The following ROBO1 variants were observed in gnomAD, a reference collection of about 807,000 sequenced individuals.
ROBO1 encodes roundabout homolog 1.
ROBO1 carries 149 observed loss-of-function variants against 195.9 expected under a neutral mutation model. The ratio of observed to expected loss-of-function variants is 0.76; its 90% CI spans 0.67 to 0.87. ROBO1 has a LOEUF of 0.87. ROBO1 is among the 40% of genes least tolerant of loss of function. ROBO1 has a pLI of 0.00. For synonymous variants in ROBO1, 816 were observed against 733.2 expected (o/e 1.11, Z -1.82); for missense variants, 1,933 against 2,068.3 (o/e 0.93, Z 1.27).
intron 19 of ROBO1, 103 bp downstream of exon 19, chr3:78,651,629 C>A (rs3925684): frequency 0.97 from 872,858 of 896,032 alleles, 425,268 homozygotes; most frequent in East Asian, 1. Flanking sequence ...TATATTAAAA[C>A]AAGTTTTAGA....
At chr3:79,277,887 C>T (rs1390549279) in intron 2 of ROBO1, among the ~76,000 whole-genome samples, 1 of 151,552 alleles carries the variant, frequency 6.6e-6, no homozygotes, top group Non-Finnish European at 1.5e-5. Context: ...TAAAGTTATC[C>T]CTGTTTGCAA....
intron 4 of ROBO1, among the ~76,000 whole-genome samples, chr3:78,904,271 T>C (rs1432996667): frequency 6.6e-6 from 1 of 152,110 alleles, no homozygotes; most frequent in African/African-American, 2.4e-5. Flanking sequence ...AGGTTGAAGT[T>C]CACTTAGAAG....
chr3:78,991,337 A>T (rs977591944), intron 3 of ROBO1, among the ~76,000 whole-genome samples: 8 of 152,346 alleles, frequency 5.3e-5, no homozygotes, highest in African/African-American at 1.9e-4. Flanking sequence ...TGGAAAATGT[A>T]GAAGTGTGTT....
intron 2 of ROBO1, among the ~76,000 whole-genome samples, chr3:79,311,765 C>T (rs539105077): frequency 2.6e-5 from 4 of 152,122 alleles, no homozygotes; most frequent in Non-Finnish European, 5.9e-5. Flanking sequence ...ACTTAATCAG[C>T]ATAGTAAATC....
intron 4 of ROBO1, among the ~76,000 whole-genome samples, chr3:78,913,154 C>T (rs1030459465): frequency 2.6e-5 from 4 of 151,998 alleles, no homozygotes; most frequent in Non-Finnish European, 4.4e-5. Context: ...TGCATTTCTA[C>T]GATGGAATAA....
intron 29 of ROBO1, among the ~76,000 whole-genome samples, chr3:78,603,260 C>G (rs1198820004): frequency 6.6e-6 from 1 of 152,134 alleles, no homozygotes; most frequent in Non-Finnish European, 1.5e-5. Flanking sequence ...GAATTTCTTA[C>G]AGTTCCCTCA....
At chr3:79,187,603 C>G (rs368786997) in intron 2 of ROBO1, among the ~76,000 whole-genome samples, 1 of 151,854 alleles carries the variant, frequency 6.6e-6, no homozygotes, top group South Asian at 2.1e-4. Flanking sequence ...CTCTTTTGAA[C>G]GAAAGTTCCA....
intron 1 of ROBO1, among the ~76,000 whole-genome samples, chr3:79,635,960 T>A (rs536175209): frequency 6.6e-6 from 1 of 152,276 alleles, no homozygotes; most frequent in Non-Finnish European, 1.5e-5. Flanking sequence ...AGACTGTTAG[T>A]TCCCATATAT....
At chr3:78,907,208 T>C (rs2037974615) in intron 4 of ROBO1, among the ~76,000 whole-genome samples, 1 of 152,060 alleles carries the variant, frequency 6.6e-6, no homozygotes, top group Admixed American at 6.6e-5. Context: ...GAACTTTGAA[T>C]AGGTCCTTTA....
chr3:79,627,903 T>A (rs541423057), intron 1 of ROBO1, among the ~76,000 whole-genome samples: 1 of 152,130 alleles, frequency 6.6e-6, no homozygotes, highest in Non-Finnish European at 1.5e-5. Context: ...AAGTTCAACA[T>A]CATTGATCAT....
intron 4 of ROBO1, among the ~76,000 whole-genome samples, chr3:78,813,919 C>T (rs1377470049): frequency 6.6e-6 from 1 of 151,942 alleles, no homozygotes; most frequent in Non-Finnish European, 1.5e-5. Context: ...GAGAGTGGAT[C>T]CAGAGTAATA....
intron 1 of ROBO1, among the ~76,000 whole-genome samples, chr3:79,698,283 G>A (rs1947505180): frequency 6.6e-6 from 1 of 151,398 alleles, no homozygotes; most frequent in Admixed American, 6.6e-5. Flanking sequence ...TGTCAGAGCA[G>A]CTGTCATTAA....
chr3:79,079,820 C>T (rs1193234241), intron 3 of ROBO1, among the ~76,000 whole-genome samples: 1 of 151,660 alleles, frequency 6.6e-6, no homozygotes, highest in African/African-American at 2.4e-5. Flanking sequence ...AAGAAACTCA[C>T]ATTTATAGAA....
At chr3:78,656,936 C>G (rs901907517) in intron 18 of ROBO1, among the ~76,000 whole-genome samples, 162 bp downstream of exon 18, 2 of 152,146 alleles carry the variant, frequency 1.3e-5, no homozygotes, top group Non-Finnish European at 2.9e-5. Context: ...CTCTTTCTCT[C>G]TCCTACATAT....
chr3:78,961,218 C>T (rs1211244061), intron 3 of ROBO1, among the ~76,000 whole-genome samples: 1 of 152,004 alleles, frequency 6.6e-6, no homozygotes, highest in Non-Finnish European at 1.5e-5. Flanking sequence ...AAAAGCCCTA[C>T]CAAATACAAC....
chr3:79,482,038 TATAA>T (rs1172803441), intron 2 of ROBO1, among the ~76,000 whole-genome samples: 1 of 152,190 alleles, frequency 6.6e-6, no homozygotes. Flanking sequence ...AATTTCAATT[TATAA>T]ATAGTTGGGA....
At chr3:79,609,817 G>C (rs1270953557) in intron 1 of ROBO1, among the ~76,000 whole-genome samples, 1 of 151,822 alleles carries the variant, frequency 6.6e-6, no homozygotes, top group Non-Finnish European at 1.5e-5. Context: ...GAGATGGAAA[G>C]TAGACCGGAG....
intron 3 of ROBO1, among the ~76,000 whole-genome samples, chr3:79,083,980 C>A (rs896867719): frequency 1.3e-5 from 2 of 152,116 alleles, no homozygotes; most frequent in Non-Finnish European, 2.9e-5. Context: ...GTGTTTTTCA[C>A]CTTGAAAGCT....
rs532147498 is a variant in ROBO1, at chr3:79,145,776, G to T, written c.89-20237C>A. 3.3e-5 allele frequency among the ~76,000 whole-genome samples: 5 copies of T among 152,028 alleles called. No homozygotes were observed. The East Asian group carries it at 9.7e-4, about 30-fold the overall frequency. On this transcript the variant is annotated intron_variant, in intron 2 of 30. Coordinates refer to ENST00000464233, the MANE Select transcript of ROBO1 (RefSeq NM_002941.4). The stretch of plus-strand genomic sequence containing the variant: ...GGGAGATAAAGTTCAGGTCACACTG[G>T]CATTATTTCCTTCACAGCTTGATAA...
Sources: gnomAD v4.1 joint callset for allele counts (sites outside exome capture counted in the v4.1 genomes callset) on GRCh38, gnomAD v4.1.1 for gene constraint, MANE v1.5 for transcripts, NCBI Gene and HGNC (gene_info 2026-07-23, HGNC 2026-07-21) for gene names.